PCDH9: variants seen among roughly 807,000 people sequenced by gnomAD.
PCDH9 encodes protocadherin-9.
Under a neutral mutation model 70.6 loss-of-function variants are expected in PCDH9, and 24 were observed. That is an observed-to-expected ratio of 0.34 (90% CI 0.25 to 0.48). The LOEUF is 0.48. Among genes scored for constraint, PCDH9 ranks in the 20% least tolerant of loss-of-function variants. The probability of loss-of-function intolerance (pLI) is 0.99; values close to 1 mark genes in which losing one functional copy is unlikely to be tolerated. For missense variants in PCDH9, 1,281 were observed against 1,503.6 expected (o/e 0.85, Z 2.45); for synonymous variants, 562 against 558.5 (o/e 1.01, Z -0.09).
intron 2 of PCDH9, among the ~76,000 whole-genome samples, chr13:67,198,042 A>C (rs898039239): frequency 2.0e-5 from 3 of 151,610 alleles, no homozygotes; most frequent in South Asian, 4.1e-4. Flanking sequence ...ATATATTTAC[A>C]CTAAAAATAG....
chr13:67,126,264 CATAA>C (rs1456789754), intron 2 of PCDH9, among the ~76,000 whole-genome samples: 1 of 152,236 alleles, frequency 6.6e-6, no homozygotes, highest in East Asian at 1.9e-4. Context: ...TCAGTATTCT[CATAA>C]ATAGAGTGAA....
chr13:66,742,171 C>A (rs1302944631), intron 3 of PCDH9, among the ~76,000 whole-genome samples: 2 of 52,494 alleles, frequency 3.8e-5, no homozygotes, highest in African/African-American at 1.5e-4. Flanking sequence ...CAGAACAGAG[C>A]CCTCAGAAAT....
intron 3 of PCDH9, among the ~76,000 whole-genome samples, chr13:66,722,271 A>C (rs2139155423): frequency 6.6e-6 from 1 of 152,320 alleles, no homozygotes; most frequent in Admixed American, 6.5e-5. Context: ...CAATAATTGT[A>C]TGGTTAGAAC....
chr13:66,796,274 T>G (rs1214797355), intron 3 of PCDH9, among the ~76,000 whole-genome samples: 6 of 152,174 alleles, frequency 3.9e-5, no homozygotes, highest in Non-Finnish European at 7.3e-5. Context: ...CATTGTGACA[T>G]TTTTGTCATG....
chr13:66,472,305 C>T (rs1227861069), intron 4 of PCDH9, among the ~76,000 whole-genome samples: 1 of 151,788 alleles, frequency 6.6e-6, no homozygotes, highest in Non-Finnish European at 1.5e-5. Context: ...TGTGGTTGCT[C>T]GTGCCTGCAA....
At position 66,703,187 on chromosome 13, in the gene PCDH9, C is replaced by T. The variant is rs182625037; in HGVS notation, c.3139-71776G>A. Among the ~76,000 whole-genome samples, 294 of 152,014 alleles carry T rather than the reference C, an allele frequency of 1.9e-3. 3 individuals are homozygous for T. Among genetic ancestry groups the T allele is most frequent in the Non-Finnish European group, 2.7e-3 (182 of 67,974 alleles). Reference sequence around the variant, plus strand: ...TTAAGATTTCAGTTTATTACCATCACGCAATGTATTGTATTATCACTGCTG... The same window carrying T: ...TTAAGATTTCAGTTTATTACCATCATGCAATGTATTGTATTATCACTGCTG... On this transcript the variant is annotated intron_variant, in intron 3 of 4. Transcript: ENST00000377865.
chr13:66,961,865 A>G (rs2083352454), intron 2 of PCDH9, among the ~76,000 whole-genome samples: 1 of 152,038 alleles, frequency 6.6e-6, no homozygotes, highest in Non-Finnish European at 1.5e-5. Context: ...AGCCTGACCA[A>G]CATGGTGAAA....
At chr13:66,967,586 C>T (rs2083451251) in intron 2 of PCDH9, among the ~76,000 whole-genome samples, 1 of 151,846 alleles carries the variant, frequency 6.6e-6, no homozygotes, top group Non-Finnish European at 1.5e-5. Context: ...TTACCCAAAT[C>T]CATAGATAAG....
At chr13:67,132,438 G>A (rs974648885) in intron 2 of PCDH9, among the ~76,000 whole-genome samples, 12 of 152,034 alleles carry the variant, frequency 7.9e-5, no homozygotes, top group Non-Finnish European at 1.5e-4. Flanking sequence ...AAATTTCTTA[G>A]GTGAGTTCAC....
chr13:67,084,299 CTGTTCTAAATTCTT>C (rs2086048710), intron 2 of PCDH9, among the ~76,000 whole-genome samples: 1 of 152,134 alleles, frequency 6.6e-6, no homozygotes, highest in Non-Finnish European at 1.5e-5. Context: ...ATTCTTCTTT[CTGTTCTAAATTCTT>C]CCTAGGGAGC....
At chr13:66,407,483 T>G (rs1957298425) in intron 4 of PCDH9, among the ~76,000 whole-genome samples, 1 of 152,090 alleles carries the variant, frequency 6.6e-6, no homozygotes, top group Admixed American at 6.6e-5. Context: ...ATCCTAGTCA[T>G]GGGGGAGTCC....
At chr13:66,482,685 A>G (rs1179194122) in intron 4 of PCDH9, among the ~76,000 whole-genome samples, 4 of 152,214 alleles carry the variant, frequency 2.6e-5, no homozygotes, top group Non-Finnish European at 5.9e-5. Flanking sequence ...TAGCTCTTCC[A>G]TCAGCATCAG....
rs2080364905 is a variant in PCDH9 at position 66,803,765 on chromosome 13, T to G, written c.3138+99739A>C. ...ATAACGTTACAGAAAATTTGACCCGTGAGAAGGAACTGCCATCTATATTCC... is the reference window on the plus strand; with the variant it reads ...ATAACGTTACAGAAAATTTGACCCGGGAGAAGGAACTGCCATCTATATTCC... On this transcript the variant is annotated intron_variant, in intron 3 of 4. Transcript: ENST00000377865. Among the ~76,000 whole-genome samples the G allele has an allele frequency of 2.0e-5, 3 of 152,196 alleles. No homozygotes were observed. In the South Asian group the frequency reaches 6.2e-4, roughly 31 times the overall value.
chr13:66,645,187 A>C (rs1481171259), intron 3 of PCDH9, among the ~76,000 whole-genome samples: 1 of 152,116 alleles, frequency 6.6e-6, no homozygotes, highest in Non-Finnish European at 1.5e-5. Context: ...CAAACGCAGC[A>C]GTTCAGCAAT....
chr13:66,445,637 CACATATATATTATATAT>C (rs1958069775), intron 4 of PCDH9, among the ~76,000 whole-genome samples: 3 of 136,772 alleles, frequency 2.2e-5, no homozygotes, highest in East Asian at 4.3e-4. Context: ...ATATTATATA[CACATATATATTATATAT>C]ACAGATATAT....
intron 2 of PCDH9, among the ~76,000 whole-genome samples, chr13:67,109,724 T>C (rs929623257): frequency 6.6e-6 from 1 of 152,194 alleles, no homozygotes; most frequent in Non-Finnish European, 1.5e-5. Context: ...AAATATTTTA[T>C]TTTCAATCAA....
chr13:66,749,720 C>A (rs115511678), intron 3 of PCDH9, among the ~76,000 whole-genome samples: 2,496 of 152,114 alleles, frequency 0.016, 75 homozygotes, highest in African/African-American at 0.057. Context: ...GGATGCCTAC[C>A]CCTTACTAGT....
intron 2 of PCDH9, among the ~76,000 whole-genome samples, chr13:66,927,006 T>A (rs78999580): frequency 1.3e-5 from 2 of 152,100 alleles, no homozygotes; most frequent in East Asian, 3.9e-4. Flanking sequence ...TGTTTTTCTT[T>A]GACTCTCAGA....
At chr13:66,621,277 A>G (rs1303143486) in intron 4 of PCDH9, among the ~76,000 whole-genome samples, 2 of 152,184 alleles carry the variant, frequency 1.3e-5, no homozygotes, top group Non-Finnish European at 2.9e-5. Flanking sequence ...CAGACATACT[A>G]TAGAGACCTT....
Sources: gnomAD v4.1 joint callset for allele counts (sites outside exome capture counted in the v4.1 genomes callset) on GRCh38, gnomAD v4.1.1 for gene constraint, MANE v1.5 for transcripts, NCBI Gene and HGNC (gene_info 2026-07-23, HGNC 2026-07-21) for gene names.